The following MKLN1 variants were observed in gnomAD, a reference collection of about 807,000 sequenced individuals.
MKLN1 encodes the protein muskelin.
Under a neutral mutation model 99.0 loss-of-function variants are expected in MKLN1, and 18 were observed. That is an observed-to-expected ratio of 0.18 (90% confidence interval 0.13 to 0.27). MKLN1 has a LOEUF of 0.27. Among genes scored for constraint, MKLN1 ranks in the 10% least tolerant of loss-of-function variants. MKLN1 has a pLI of 1.00. For synonymous variants in MKLN1, 288 were observed against 293.2 expected, an observed-to-expected ratio of 0.98 and a Z score of 0.18; for missense variants, 621 against 875.9, an observed-to-expected ratio of 0.71 and a Z score of 3.67.
In MKLN1 at chr7:131,495,421, C is replaced by A. The variant is rs1464068742; in HGVS notation, c.*7693C>A. 1 of 152,028 alleles carries A rather than the reference C, an allele frequency of 6.6e-6. No individual in the cohort carries two copies. The highest frequency in any genetic ancestry group is 1.9e-4 in the East Asian group (1 of 5,196). 9.4% of individuals were successfully genotyped at this position (152,028 alleles called of 1,614,324 possible). A position where few individuals can be genotyped will look rare whatever the true frequency, so the allele number is the denominator to read the frequency against. ...AGAATGTTAAATATCTTATATGGGA[C>A]TTACGATAAAATGTATTGATGTTAG... On this transcript the variant is annotated 3_prime_UTR_variant, in exon 18 of 18. Coordinates refer to ENST00000352689, the MANE Select transcript of MKLN1 (RefSeq NM_013255.5).
At chr7:131,482,038 A>G (rs1411189582) in intron 17 of MKLN1, among the ~76,000 whole-genome samples, 3 of 152,190 alleles carry the variant, frequency 2.0e-5, no homozygotes, top group Non-Finnish European at 4.4e-5. Context: ...TCTGGTGGCT[A>G]TAGGCACTTT....
chr7:131,470,787 C>G (rs1340845926), intron 15 of MKLN1, 55 bp from the exon 16 acceptor site: 1 of 1,137,910 alleles, frequency 8.8e-7, no homozygotes, highest in Non-Finnish European at 1.3e-6. Flanking sequence ...GTCTGAAAGA[C>G]ATTTCTGATA....
At chr7:131,486,937 C>A (rs986398700) in intron 17 of MKLN1, among the ~76,000 whole-genome samples, 1 of 152,070 alleles carries the variant, frequency 6.6e-6, no homozygotes, top group Non-Finnish European at 1.5e-5. Flanking sequence ...AAAAGTAGTT[C>A]ATTGCCTTAT....
chr7:131,162,275 ACTC>A (rs1043099555), intron 2 of MKLN1, among the ~76,000 whole-genome samples: 41 of 151,904 alleles, frequency 2.7e-4, no homozygotes, highest in Non-Finnish European at 4.1e-4. Flanking sequence ...CTGGTCTCGA[ACTC>A]CTGGCCTCAA....
At chr7:131,128,401 A>G (rs544610805) in intron 1 of MKLN1, among the ~76,000 whole-genome samples, 10 of 152,142 alleles carry the variant, frequency 6.6e-5, no homozygotes, top group Non-Finnish European at 1.2e-4. Context: ...CAAAAAAGCA[A>G]TGGTTTATGG....
chr7:131,113,687 A>T (rs1362972404), intron 1 of MKLN1, among the ~76,000 whole-genome samples: 1 of 146,594 alleles, frequency 6.8e-6, no homozygotes, highest in Non-Finnish European at 1.5e-5. Flanking sequence ...AAAAAAAAAA[A>T]TTAGCCAGGC....
chr7:131,370,620 CCTGTGTTAGGTTT>C (rs1800319839), intron 1 of MKLN1, among the ~76,000 whole-genome samples: 1 of 152,008 alleles, frequency 6.6e-6, no homozygotes, highest in South Asian at 2.1e-4. Flanking sequence ...TATACCACTT[CCTGTGTTAGGTTT>C]CTGTGGGTCA....
At chr7:131,127,194 AT>A (rs1253938569) in intron 1 of MKLN1, among the ~76,000 whole-genome samples, 1 of 151,800 alleles carries the variant, frequency 6.6e-6, no homozygotes, top group African/African-American at 2.4e-5. Context: ...AAAGAAAAGA[AT>A]AGAAGAAAAT....
chr7:131,237,024 C>T (rs966837681), intron 3 of MKLN1, among the ~76,000 whole-genome samples: 4 of 152,038 alleles, frequency 2.6e-5, no homozygotes, highest in Non-Finnish European at 4.4e-5. Flanking sequence ...ATGGAGAAAA[C>T]CACAGTCTGG....
intron 3 of MKLN1, among the ~76,000 whole-genome samples, chr7:131,279,221 T>C (rs1225185459): frequency 6.6e-6 from 1 of 152,166 alleles, no homozygotes; most frequent in Admixed American, 6.5e-5. Flanking sequence ...ATTAAAGCTA[T>C]GAGAAAACTA....
intron 3 of MKLN1, 61 bp from the exon 4 acceptor site, chr7:131,388,823 T>C: frequency 9.5e-7 from 1 of 1,053,598 alleles, no homozygotes. Flanking sequence ...CATTAATTCG[T>C]GTTCTAGTGC....
intron 6 of MKLN1, among the ~76,000 whole-genome samples, chr7:131,404,510 C>T (rs1297075542): frequency 6.6e-6 from 1 of 152,106 alleles, no homozygotes; most frequent in East Asian, 1.9e-4. Flanking sequence ...TGGGGTCTCG[C>T]CATGTTACCC....
At chr7:131,436,327 A>G (rs1315456165) in intron 9 of MKLN1, among the ~76,000 whole-genome samples, 2 of 152,134 alleles carry the variant, frequency 1.3e-5, no homozygotes, top group African/African-American at 2.4e-5. Flanking sequence ...TTTATTGCCT[A>G]CAAGATCATA....
chr7:131,233,112 G>A (rs1797267246), intron 3 of MKLN1, among the ~76,000 whole-genome samples: 1 of 152,114 alleles, frequency 6.6e-6, no homozygotes, highest in Non-Finnish European at 1.5e-5. Context: ...GGCCGAGGAG[G>A]AAGGATTGTT....
chr7:131,284,774 C>T (rs1258246951), intron 3 of MKLN1, among the ~76,000 whole-genome samples: 6 of 152,118 alleles, frequency 3.9e-5, no homozygotes, highest in African/African-American at 1.2e-4. Context: ...TCTGCCAGCC[C>T]GCTGGGTGGT....
Position 131,398,274 on chromosome 7 carries a change from G to A in MKLN1, c.510+898G>A, listed in dbSNP as rs578076031. On this transcript the variant is annotated intron_variant, in intron 5 of 17. Transcript: ENST00000352689. ...TTAAAAAAATCCTTTTTATAAGATT[G>A]TATTTTTGGCATCTATCCTATTAGG... is the stretch of plus-strand genomic sequence containing the variant. Among the ~76,000 whole-genome samples, 4 of 152,174 alleles carry A rather than the reference G, an allele frequency of 2.6e-5. No homozygotes were observed. The South Asian group carries it at 6.2e-4, about 24-fold the overall frequency.
chr7:131,264,133 T>A (rs1298809744), intron 3 of MKLN1, among the ~76,000 whole-genome samples: 3 of 152,084 alleles, frequency 2.0e-5, no homozygotes, highest in Non-Finnish European at 4.4e-5. Flanking sequence ...ACTCTGAAAT[T>A]GGTAGTGAGC....
chr7:131,231,184 GA>G (rs1797238902), intron 3 of MKLN1, among the ~76,000 whole-genome samples: 1 of 147,418 alleles, frequency 6.8e-6, no homozygotes, highest in African/African-American at 2.5e-5. Flanking sequence ...GAGAGGAGAA[GA>G]TAAACATTTA....
intron 2 of MKLN1, among the ~76,000 whole-genome samples, chr7:131,188,819 T>A (rs1045717396): frequency 2.0e-5 from 3 of 152,096 alleles, no homozygotes; most frequent in African/African-American, 7.2e-5. Context: ...AACCACAAAA[T>A]TTTAAAAGTC....
Sources: allele counts gnomAD v4.1 joint callset (sites outside exome capture counted in the v4.1 genomes callset), GRCh38; gene constraint gnomAD v4.1.1; transcripts MANE v1.5; gene names NCBI Gene and HGNC (gene_info 2026-07-23, HGNC 2026-07-21).